PHF20: variants seen among roughly 807,000 people sequenced by gnomAD.
PHF20 encodes glioma-expressed antigen 2.
Under a neutral mutation model 113.5 loss-of-function variants are expected in PHF20, and 23 were observed. That is an observed-to-expected ratio of 0.20 (90% CI 0.15 to 0.29). The LOEUF is 0.29. PHF20 is among the 10% of genes least tolerant of loss of function. The pLI, the probability that PHF20 is intolerant of heterozygous loss-of-function variation, is 1.00. For missense variants in PHF20, 943 were observed against 1,219.6 expected, an observed-to-expected ratio of 0.77 and a Z score of 3.38; for synonymous variants, 434 against 457.3, an observed-to-expected ratio of 0.95 and a Z score of 0.65.
chr20:35,897,636 G>A (rs774526712), intron 9 of PHF20, among the ~76,000 whole-genome samples: 3 of 142,848 alleles, frequency 2.1e-5, no homozygotes. Flanking sequence ...GTGCGATCTC[G>A]GCTCACTGCA....
chr20:35,812,895 G>T (rs948838523), intron 2 of PHF20, among the ~76,000 whole-genome samples: 2 of 152,110 alleles, frequency 1.3e-5, no homozygotes, highest in Non-Finnish European at 2.9e-5. Flanking sequence ...CTCTGGAGAT[G>T]GAAAAATGGT....
In PHF20 at chr20:35,913,332, A is replaced by G; in HGVS notation, c.1645A>G (p.Lys549Glu). 6.3e-7 allele frequency: 1 copy of G among 1,598,620 alleles called. No homozygotes were observed. The highest frequency in any genetic ancestry group is 8.5e-7 in the Non-Finnish European group (1 of 1,173,390). The change falls in exon 11 of 18, where the codon AAG becomes GAG. Residue 549 changes from lysine to glutamate, a missense_variant. Physicochemically the swap from Lys to Glu is moderately conservative, Grantham distance 56. Coordinates refer to ENST00000374012, the MANE Select transcript of PHF20 (RefSeq NM_016436.5). ...VKPKKKKKKK[K>E]KTKPECPCSE... Reference sequence around the variant, plus strand: ...GCCAAAGAAGAAAAAGAAAAAGAAAAAGAAAACCAAACCTGGTAATTTTTT... The same window carrying G: ...GCCAAAGAAGAAAAAGAAAAAGAAAGAGAAAACCAAACCTGGTAATTTTTT...
At chr20:35,826,598 C>T (rs537744796) in intron 2 of PHF20, among the ~76,000 whole-genome samples, 1 of 152,224 alleles carries the variant, frequency 6.6e-6, no homozygotes, top group African/African-American at 2.4e-5. Flanking sequence ...ATATTCAGGG[C>T]TTGAAAGAAC....
At chr20:35,870,158 G>T (rs1422848598) in intron 7 of PHF20, among the ~76,000 whole-genome samples, 1 of 152,038 alleles carries the variant, frequency 6.6e-6, no homozygotes, top group East Asian at 1.9e-4. Context: ...TAAAAAATTA[G>T]CCGGGTGTTG....
intron 1 of PHF20, 52 bp from the exon 2 acceptor site, chr20:35,801,439 A>T (rs1036884239): frequency 1.1e-6 from 1 of 895,928 alleles, no homozygotes; most frequent in Non-Finnish European, 1.8e-6. Context: ...ATGATGCTAC[A>T]CTCTGGGTGG....
At chr20:35,804,487 C>T (rs1356845463) in intron 2 of PHF20, among the ~76,000 whole-genome samples, 2 of 151,974 alleles carry the variant, frequency 1.3e-5, no homozygotes, top group South Asian at 2.1e-4. Flanking sequence ...CCACCCTCCT[C>T]GGTCTCCCAA....
At chr20:35,903,067 C>T (rs1427108527) in intron 10 of PHF20, among the ~76,000 whole-genome samples, 7 of 94,050 alleles carry the variant, frequency 7.4e-5, no homozygotes, top group Admixed American at 1.0e-4. Context: ...CCTTTCCTTT[C>T]CTATCCTTTC....
intron 6 of PHF20, 66 bp downstream of exon 6, chr20:35,863,466 T>A: frequency 7.0e-7 from 1 of 1,436,626 alleles, no homozygotes; most frequent in Admixed American, 2.3e-5. Context: ...CCTTTGTGGT[T>A]CTTTGTAACT....
chr20:35,934,724 G>A (rs1006238302), intron 15 of PHF20, among the ~76,000 whole-genome samples: 1 of 147,178 alleles, frequency 6.8e-6, no homozygotes, highest in African/African-American at 2.5e-5. Context: ...CTTATACTTA[G>A]AAGTAGGGGT....
chr20:35,844,256 C>T (rs1179962968), intron 3 of PHF20, among the ~76,000 whole-genome samples: 1 of 151,932 alleles, frequency 6.6e-6, no homozygotes, highest in Non-Finnish European at 1.5e-5. Context: ...GTGCGTGCCA[C>T]CACACCTGGC....
Position 35,779,525 on chromosome 20 carries a change from CTT to C in PHF20, c.-33+7458_-33+7459del, listed in dbSNP as rs11167277. The stretch of plus-strand genomic sequence containing the variant: ...CTGGTGGATTGACATTCCTTTCTTT[CTT>C]TTTTTTTTTTTGTTGAGGCGGAGTC... On this transcript the variant is annotated intron_variant, in intron 1 of 17. Transcript: ENST00000374012. 7.3e-3 allele frequency among the ~76,000 whole-genome samples: 1,002 copies of C among 137,820 alleles called. 4 individuals carry two copies. Among genetic ancestry groups the C allele is most frequent in the Middle Eastern group, 0.022 (6 of 276 alleles). The allele number at this position is 137,820 out of a possible 152,430, so 90.4% of individuals were successfully genotyped here. A position where few individuals can be genotyped will look rare whatever the true frequency, so the allele number is the denominator to read the frequency against.
intron 1 of PHF20, among the ~76,000 whole-genome samples, chr20:35,791,510 G>A (rs2041552978): frequency 7.2e-6 from 1 of 137,970 alleles, no homozygotes; most frequent in African/African-American, 2.8e-5. Flanking sequence ...TCTTAGAATA[G>A]TATATACATA....
At chr20:35,812,019 C>T (rs954769830) in intron 2 of PHF20, among the ~76,000 whole-genome samples, 5 of 148,380 alleles carry the variant, frequency 3.4e-5, no homozygotes, top group Admixed American at 2.7e-4. Context: ...GTGATCCACC[C>T]GCCTCAGCCT....
At chr20:35,796,745 G>A (rs1054236019) in intron 1 of PHF20, among the ~76,000 whole-genome samples, 3 of 152,110 alleles carry the variant, frequency 2.0e-5, no homozygotes, top group African/African-American at 7.2e-5. Context: ...AACGACTTTG[G>A]TCAGAGAAAG....
chr20:35,778,924 T>G (rs1255083622), intron 1 of PHF20, among the ~76,000 whole-genome samples: 1 of 152,106 alleles, frequency 6.6e-6, no homozygotes, highest in Non-Finnish European at 1.5e-5. Flanking sequence ...TGACTAAATG[T>G]AAATAGGACA....
Position 35,863,333 on chromosome 20 carries a change from G to C in PHF20, c.741G>C (p.Lys247Asn), listed in dbSNP as rs763967095. The change falls in exon 6 of 18, where the codon AAG becomes AAC. Residue 247 changes from lysine (K) to asparagine (N), a missense_variant. By Grantham distance (94) the Lys-to-Asn change is moderately conservative. Around this residue, in one of 3 missense-constraint regions of PHF20, gnomAD observed 592 missense variants for 787.2 expected, o/e 0.75. Coordinates refer to ENST00000374012, the MANE Select transcript of PHF20 (RefSeq NM_016436.5). The part of the protein sequence containing the change: ...VDKKPENDIV[K>N]SPQENLREPK... ...AGAAACCTGAAAATGACATTGTGAA[G>C]AGTCCACAAGAAAACTTGAGGGAAC... The C allele has an allele frequency of 6.2e-7, 1 of 1,612,684 alleles. No homozygotes were observed. The highest frequency in any genetic ancestry group is 1.7e-5 in the Admixed American group (1 of 59,504).
intron 2 of PHF20, among the ~76,000 whole-genome samples, chr20:35,829,547 T>C (rs1030745874): frequency 2.6e-5 from 4 of 152,016 alleles, no homozygotes; most frequent in African/African-American, 4.8e-5. Context: ...TGTTTCACCA[T>C]GTTGGCCATG....
chr20:35,925,217 T>C (rs2055602848), intron 13 of PHF20, among the ~76,000 whole-genome samples: 1 of 151,968 alleles, frequency 6.6e-6, no homozygotes, highest in Non-Finnish European at 1.5e-5. Flanking sequence ...AATTTTAGAA[T>C]TTTTTCTAGT....
intron 6 of PHF20, among the ~76,000 whole-genome samples, chr20:35,868,447 A>C (rs990367690): frequency 1.4e-5 from 2 of 146,928 alleles, no homozygotes; most frequent in African/African-American, 5.1e-5. Flanking sequence ...TAAAAATACA[A>C]AAAAAAAAAA....
Sources: gnomAD v4.1 joint callset for allele counts (sites outside exome capture counted in the v4.1 genomes callset) on GRCh38, gnomAD v4.1.1 for gene constraint, gnomAD v4.1.1 regional missense constraint, MANE v1.5 for transcripts, NCBI Gene and HGNC (gene_info 2026-07-23, HGNC 2026-07-21) for gene names.